Variants in EPHA6 observed in about 807,000 individuals in gnomAD.
EPHA6 encodes EPH receptor A6, also known as ephrin type-A receptor 6.
Under a neutral mutation model 112.0 loss-of-function variants are expected in EPHA6, and 50 were observed. The ratio of observed to expected loss-of-function variants is 0.45; its 90% confidence interval spans 0.36 to 0.56. EPHA6 has a LOEUF of 0.56. Ranked by LOEUF, EPHA6 falls within the 20% of genes least tolerant of loss-of-function variation. The pLI is 0.00. For missense variants in EPHA6, 1,280 were observed against 1,417.4 expected, an observed-to-expected ratio of 0.90 and a Z score of 1.56; for synonymous variants, 529 against 490.7, an observed-to-expected ratio of 1.08 and a Z score of -1.03.
At chr3:97,262,640 T>C (rs2079542310) in intron 5 of EPHA6, among the ~76,000 whole-genome samples, 1 of 152,212 alleles carries the variant, frequency 6.6e-6, no homozygotes, top group African/African-American at 2.4e-5. Context: ...AAGTCGTGCT[T>C]TGCAAATAAA....
At chr3:97,044,046 G>A (rs958222112) in intron 3 of EPHA6, among the ~76,000 whole-genome samples, 2 of 152,150 alleles carry the variant, frequency 1.3e-5, no homozygotes, top group African/African-American at 4.8e-5. Context: ...TCAGCCAATG[G>A]ATGATCTCCA....
At chr3:97,734,368 T>A (rs962445093) in intron 15 of EPHA6, among the ~76,000 whole-genome samples, 2 of 152,052 alleles carry the variant, frequency 1.3e-5, no homozygotes, top group East Asian at 1.9e-4. Context: ...TTTACACACA[T>A]CCTGCCTTAA....
intron 3 of EPHA6, among the ~76,000 whole-genome samples, chr3:97,071,302 G>A (rs566099953): frequency 1.3e-5 from 2 of 152,012 alleles, no homozygotes; most frequent in African/African-American, 4.8e-5. Flanking sequence ...AGATTACATG[G>A]GTTGACTTGT....
intron 11 of EPHA6, among the ~76,000 whole-genome samples, chr3:97,560,051 T>C (rs116131601): frequency 4.6e-4 from 69 of 149,530 alleles, no homozygotes; most frequent in African/African-American, 1.7e-3. Flanking sequence ...AAGAAAAAAA[T>C]CCCAGCCAAA....
At chr3:97,654,188 T>G (rs910895157) in intron 14 of EPHA6, among the ~76,000 whole-genome samples, 1 of 151,980 alleles carries the variant, frequency 6.6e-6, no homozygotes, top group Non-Finnish European at 1.5e-5. Context: ...TTACCTAGCT[T>G]GATTGTGGTT....
At chr3:96,855,614 C>G (rs910665295) in intron 1 of EPHA6, among the ~76,000 whole-genome samples, 1 of 151,162 alleles carries the variant, frequency 6.6e-6, no homozygotes, top group Non-Finnish European at 1.5e-5. Flanking sequence ...GCTGGAGATA[C>G]TATTTTGGAG....
chr3:97,643,460 A>C (rs1201112911), intron 14 of EPHA6, among the ~76,000 whole-genome samples: 1 of 151,204 alleles, frequency 6.6e-6, no homozygotes, highest in African/African-American at 2.4e-5. Flanking sequence ...TTAAATGTAA[A>C]TGGACTAAAT....
At chr3:96,891,292 A>T (rs955703545) in intron 2 of EPHA6, among the ~76,000 whole-genome samples, 1 of 152,260 alleles carries the variant, frequency 6.6e-6, no homozygotes, top group Non-Finnish European at 1.5e-5. Flanking sequence ...AGCACTATAG[A>T]TGAATGCCAC....
intron 5 of EPHA6, among the ~76,000 whole-genome samples, chr3:97,320,471 G>A (rs1263204914): frequency 6.6e-6 from 1 of 151,904 alleles, no homozygotes; most frequent in Non-Finnish European, 1.5e-5. Flanking sequence ...CTCTGGAGTG[G>A]AGTAAAGGTT....
At chr3:97,428,129 G>T (rs1456158754) in intron 6 of EPHA6, among the ~76,000 whole-genome samples, 1 of 152,028 alleles carries the variant, frequency 6.6e-6, no homozygotes, top group African/African-American at 2.4e-5. Context: ...GCCCCAAAAT[G>T]GTAAGCTTTA....
intron 14 of EPHA6, among the ~76,000 whole-genome samples, chr3:97,716,405 A>G (rs1389179530): frequency 2.2e-5 from 3 of 139,170 alleles, no homozygotes; most frequent in Admixed American, 6.8e-5. Context: ...CGTCTCTACT[A>G]AAAATACAAA....
intron 11 of EPHA6, among the ~76,000 whole-genome samples, chr3:97,585,156 A>G (rs1560162725): frequency 6.6e-6 from 1 of 152,236 alleles, no homozygotes; most frequent in African/African-American, 2.4e-5. Context: ...TAGCGAATGG[A>G]ATAAAAATTA....
chr3:97,053,385 T>C (rs2045747864), intron 3 of EPHA6, among the ~76,000 whole-genome samples: 1 of 152,060 alleles, frequency 6.6e-6, no homozygotes, highest in African/African-American at 2.4e-5. Context: ...GGTACTGAGA[T>C]AGAACCAATA....
chr3:96,841,709 A>G (rs542020872), intron 1 of EPHA6, among the ~76,000 whole-genome samples: 1 of 140,104 alleles, frequency 7.1e-6, no homozygotes, highest in East Asian at 2.1e-4. Flanking sequence ...TGTTTTAAGC[A>G]TGTTGAACTT....
intron 2 of EPHA6, among the ~76,000 whole-genome samples, chr3:96,960,547 T>C (rs2041916457): frequency 1.3e-5 from 2 of 152,182 alleles, no homozygotes; most frequent in African/African-American, 2.4e-5. Context: ...TCTTCAAATA[T>C]AGTCTACAAA....
intron 4 of EPHA6, among the ~76,000 whole-genome samples, chr3:97,242,322 A>C (rs1017129783): frequency 6.6e-6 from 1 of 151,722 alleles, no homozygotes; most frequent in South Asian, 2.1e-4. Flanking sequence ...TGCCAGTTCC[A>C]TGGTTATTTC....
At chr3:96,915,681 A>G (rs1198282662) in intron 2 of EPHA6, among the ~76,000 whole-genome samples, 3 of 152,100 alleles carry the variant, frequency 2.0e-5, no homozygotes, top group Non-Finnish European at 2.9e-5. Context: ...CTTTCCCTTT[A>G]TGCTATAGAC....
rs1283627504 is a variant in EPHA6 at position 96,994,726 on chromosome 3, T to TAG, written c.1114+6734_1114+6735insGA. 7.5e-4 allele frequency among the ~76,000 whole-genome samples: 59 copies of TAG among 78,256 alleles called. 1 individual carries two copies. Among genetic ancestry groups the TAG allele is most frequent in the South Asian group, 1.6e-3 (5 of 3,212 alleles). The allele number at this position is 78,256 out of a possible 152,430, so 51.3% of individuals were successfully genotyped here. A position where few individuals can be genotyped will look rare whatever the true frequency, so the allele number is the denominator to read the frequency against. ...GTGTGTGTGTATATATATATATATATATATATAGAGAGAGAGAGAGAGAGA... is the reference window on the plus strand; with the variant it reads ...GTGTGTGTGTATATATATATATATATAGATATATAGAGAGAGAGAGAGAGAGA... On this transcript the variant is annotated intron_variant, in intron 3 of 17. Coordinates refer to ENST00000389672, the MANE Select transcript of EPHA6 (RefSeq NM_001080448.3).
intron 3 of EPHA6, among the ~76,000 whole-genome samples, chr3:97,126,716 GT>G (rs1458655720): frequency 3.0e-5 from 3 of 100,644 alleles, no homozygotes; most frequent in African/African-American, 5.5e-5. Context: ...CTTCACCTGT[GT>G]TAAAAAAAAA....
Sources: gnomAD v4.1 joint callset for allele counts (sites outside exome capture counted in the v4.1 genomes callset) on GRCh38, gnomAD v4.1.1 for gene constraint, MANE v1.5 for transcripts, NCBI Gene and HGNC (gene_info 2026-07-23, HGNC 2026-07-21) for gene names.